GRIA4: variants seen among roughly 807,000 people sequenced by gnomAD.
The protein encoded by GRIA4 is glutamate receptor 4.
A neutral mutation model predicts 104.0 loss-of-function variants in GRIA4; 34 were observed. That is an observed-to-expected ratio of 0.33 (90% CI 0.25 to 0.44). The LOEUF is 0.44. Among genes scored for constraint, GRIA4 ranks in the 20% least tolerant of loss-of-function variants. The pLI is 1.00. For synonymous variants in GRIA4, 386 were observed against 381.9 expected (o/e 1.01, Z -0.13); for missense variants, 750 against 1,096.5 (o/e 0.68, Z 4.46).
At chr11:105,869,765 C>T (rs1945549096) in intron 5 of GRIA4, among the ~76,000 whole-genome samples, 2 of 151,922 alleles carry the variant, frequency 1.3e-5, no homozygotes, top group African/African-American at 4.8e-5. Flanking sequence ...TTGTTTTATC[C>T]ACTTTGATTC....
chr11:105,890,409 A>G (rs141664936), intron 6 of GRIA4, among the ~76,000 whole-genome samples: 9 of 152,340 alleles, frequency 5.9e-5, no homozygotes, highest in African/African-American at 2.2e-4. Flanking sequence ...ATTAAACAAA[A>G]TAATAGGCAA....
intron 4 of GRIA4, among the ~76,000 whole-genome samples, chr11:105,760,188 T>C (rs1940543651): frequency 6.6e-6 from 1 of 152,146 alleles, no homozygotes; most frequent in African/African-American, 2.4e-5. Flanking sequence ...TTTTCTACCC[T>C]AGAGGGTGAC....
At chr11:105,661,633 A>G (rs2135412176) in intron 3 of GRIA4, among the ~76,000 whole-genome samples, 1 of 151,736 alleles carries the variant, frequency 6.6e-6, no homozygotes. Context: ...TGACGTATAA[A>G]TTGATGAAAA....
rs148133319 is a variant in GRIA4, at chr11:105,708,922, A to T, written c.248-44059A>T. Among the ~76,000 whole-genome samples, 12 of 152,058 alleles carry T rather than the reference A, an allele frequency of 7.9e-5. No homozygotes were observed. In the East Asian group the frequency reaches 2.3e-3, roughly 29 times the overall value. On this transcript the variant is annotated intron_variant, in intron 3 of 16. Transcript: ENST00000282499. Reference sequence around the variant, plus strand: ...AATGTAGTAAATGAAGTAAATGTAGATGTGTAGATGTGTGTGTAAGTATCT... The same window carrying T: ...AATGTAGTAAATGAAGTAAATGTAGTTGTGTAGATGTGTGTGTAAGTATCT...
chr11:105,910,371 T>C, intron 9 of GRIA4, 64 bp from the exon 10 acceptor site: 1 of 806,120 alleles, frequency 1.2e-6, no homozygotes, highest in Non-Finnish European at 2.2e-6. Flanking sequence ...CCCTTCATTT[T>C]TCTAAGAAGA....
At chr11:105,957,619 TTAAAG>T (rs1353176637) in intron 14 of GRIA4, among the ~76,000 whole-genome samples, 5 of 152,198 alleles carry the variant, frequency 3.3e-5, no homozygotes, top group Non-Finnish European at 5.9e-5. Flanking sequence ...CATATGAACT[TTAAAG>T]TAGTTTTTTC....
chr11:105,683,407 CAG>C (rs1315791901), intron 3 of GRIA4, among the ~76,000 whole-genome samples: 3 of 151,930 alleles, frequency 2.0e-5, no homozygotes, highest in South Asian at 2.1e-4. Context: ...TACATAATAA[CAG>C]AGAAAATTTA....
intron 6 of GRIA4, among the ~76,000 whole-genome samples, chr11:105,890,986 G>C (rs1450898634): frequency 1.3e-5 from 2 of 152,166 alleles, no homozygotes; most frequent in African/African-American, 4.8e-5. Context: ...TATCGCAATA[G>C]GTTAAGCTCT....
intron 9 of GRIA4, 89 bp downstream of exon 9, chr11:105,905,390 A>G: frequency 1.4e-6 from 1 of 711,088 alleles, no homozygotes; most frequent in Non-Finnish European, 2.5e-6. Context: ...AGATGGCTGA[A>G]CATTTCCTTT....
At chr11:105,812,438 C>T (rs1165568930) in intron 4 of GRIA4, among the ~76,000 whole-genome samples, 1 of 152,168 alleles carries the variant, frequency 6.6e-6, no homozygotes, top group Non-Finnish European at 1.5e-5. Flanking sequence ...TGAAAATCAG[C>T]CACACCTTGA....
At chr11:105,906,640 G>A (rs1027474746) in intron 9 of GRIA4, among the ~76,000 whole-genome samples, 18 of 152,242 alleles carry the variant, frequency 1.2e-4, no homozygotes, top group African/African-American at 3.9e-4. Context: ...CATAGCCCTC[G>A]TGCAGGCTGC....
intron 5 of GRIA4, among the ~76,000 whole-genome samples, chr11:105,882,135 C>T (rs1481566384): frequency 2.6e-5 from 4 of 152,134 alleles, no homozygotes; most frequent in Non-Finnish European, 5.9e-5. Flanking sequence ...AAAGTGACTG[C>T]CCTCATGACA....
At chr11:105,950,204 A>G (rs1948424803) in intron 14 of GRIA4, among the ~76,000 whole-genome samples, 1 of 152,198 alleles carries the variant, frequency 6.6e-6, no homozygotes, top group Non-Finnish European at 1.5e-5. Context: ...GTAGCAGAGA[A>G]TGGATTGAGA....
intron 3 of GRIA4, among the ~76,000 whole-genome samples, chr11:105,672,250 A>G (rs1346363400): frequency 6.6e-6 from 1 of 152,124 alleles, no homozygotes; most frequent in African/African-American, 2.4e-5. Context: ...TTCATTTTTT[A>G]TTCAAAAGAC....
chr11:105,923,035 G>C (rs1383372941), intron 11 of GRIA4, among the ~76,000 whole-genome samples: 2 of 151,994 alleles, frequency 1.3e-5, no homozygotes, highest in Non-Finnish European at 2.9e-5. Context: ...CCAGGGAGAC[G>C]TGACTAAAAC....
intron 4 of GRIA4, among the ~76,000 whole-genome samples, chr11:105,763,013 G>C (rs1193845478): frequency 2.0e-5 from 3 of 152,190 alleles, no homozygotes; most frequent in Admixed American, 6.5e-5. Flanking sequence ...GAGGAGTCAT[G>C]TTTCAGTGCT....
intron 14 of GRIA4, among the ~76,000 whole-genome samples, chr11:105,934,387 G>A (rs1947971845): frequency 6.6e-6 from 1 of 151,920 alleles, no homozygotes; most frequent in Non-Finnish European, 1.5e-5. Flanking sequence ...CCTTTTTCTA[G>A]CAAACCACTT....
rs149578873 is a variant in GRIA4 at position 105,870,720 on chromosome 11, T to A, written c.672+8512T>A. ...GGATGGAGCCTAACCACAGAGGGTA[T>A]GAGATTGCCAAGGCAAATTAAAGGC... On this transcript the variant is annotated intron_variant, in intron 5 of 16. Coordinates refer to ENST00000282499, the MANE Select transcript of GRIA4 (RefSeq NM_000829.4). Among the ~76,000 whole-genome samples the A allele has an allele frequency of 1.8e-3, 274 of 152,196 alleles. 1 individual carries two copies. Among genetic ancestry groups the A allele is most frequent in the African/African-American group, 6.4e-3 (267 of 41,552 alleles).
chr11:105,973,527 G>A (rs1858808292), intron 15 of GRIA4, among the ~76,000 whole-genome samples: 1 of 151,612 alleles, frequency 6.6e-6, no homozygotes, highest in Non-Finnish European at 1.5e-5. Context: ...TTTTAAGTGG[G>A]AATTATATTG....
Sources: gnomAD v4.1 joint callset for allele counts (sites outside exome capture counted in the v4.1 genomes callset) on GRCh38, gnomAD v4.1.1 for gene constraint, MANE v1.5 for transcripts, NCBI Gene and HGNC (gene_info 2026-07-23, HGNC 2026-07-21) for gene names.